PROSER1: variants seen among roughly 807,000 people sequenced by gnomAD.
PROSER1 encodes the protein proline and serine-rich protein 1.
In PROSER1, 36 loss-of-function variants were observed where a neutral mutation model predicts 71.8. The observed-to-expected ratio is 0.50, with a 90% CI of 0.38 to 0.66. PROSER1 has a LOEUF of 0.66. Ranked by LOEUF, PROSER1 falls within the 30% of genes least tolerant of loss-of-function variation. The probability of loss-of-function intolerance (pLI) is 0.00; values close to 1 mark genes in which losing one functional copy is unlikely to be tolerated. For synonymous variants in PROSER1, 490 were observed against 452.4 expected (o/e 1.08, Z -1.06); for missense variants, 1,107 against 1,135.0 (o/e 0.98, Z 0.35).
rs771968824 is a variant in PROSER1 at position 39,013,399 on chromosome 13, G to C, written c.1853C>G (p.Ala618Gly). Residue 618 changes from alanine (A) to glycine (G), a missense_variant, in exon 11 of 13, where the codon GCC becomes GGC. Transcript: ENST00000352251. ...CCCAGAATGAGATGGACCTTTGAAG[G>C]CCGAGGGAGTAGGACTTGTGGGCTC... The part of the protein sequence containing the change: ...KTEPTSPTPS[A>G]FKGPSHSGNP... 8.7e-6 allele frequency: 14 copies of C among 1,614,052 alleles called. No homozygotes were observed. Among genetic ancestry groups the C allele is most frequent in the South Asian group, 6.6e-5 (6 of 91,090 alleles).
At position 39,029,106 on chromosome 13, in the gene PROSER1, A is replaced by G. The variant is rs987977107; in HGVS notation, c.275+175T>C. 21 of 425,864 alleles carry G rather than the reference A, an allele frequency of 4.9e-5. No individual in the cohort carries two copies. In the East Asian group the frequency reaches 6.2e-4, roughly 12 times the overall value. 26.4% of individuals were successfully genotyped at this position (425,864 alleles called of 1,614,324 possible). A position where few individuals can be genotyped will look rare whatever the true frequency, so the allele number is the denominator to read the frequency against. On this transcript the variant is annotated intron_variant, in intron 4 of 12. Coordinates refer to ENST00000352251, the MANE Select transcript of PROSER1 (RefSeq NM_025138.5). ...TAAGCCCCTTCATTTTATAAGTTATAGTCATATATGTAATAAGTACACTAG... is the reference window on the plus strand; with the variant it reads ...TAAGCCCCTTCATTTTATAAGTTATGGTCATATATGTAATAAGTACACTAG...
Position 39,010,279 on chromosome 13 carries a change from T to C in PROSER1, c.*1086A>G, listed in dbSNP as rs2138090758. Reference sequence around the variant, plus strand: ...AGCAACATCTTCCGGACACCATCTTTATAAAAGTAAAACTTCTAGATCCTG... The same window carrying C: ...AGCAACATCTTCCGGACACCATCTTCATAAAAGTAAAACTTCTAGATCCTG... On this transcript the variant is annotated 3_prime_UTR_variant, in exon 13 of 13. Coordinates refer to ENST00000352251, the MANE Select transcript of PROSER1 (RefSeq NM_025138.5). The C allele has an allele frequency of 6.5e-6, 1 of 152,766 alleles. No homozygotes were observed. Among genetic ancestry groups the C allele is most frequent in the East Asian group, 1.9e-4 (1 of 5,190 alleles). 9.5% of individuals were successfully genotyped at this position (152,766 alleles called of 1,614,324 possible). A position where few individuals can be genotyped will look rare whatever the true frequency, so the allele number is the denominator to read the frequency against.
Position 39,014,281 on chromosome 13 carries a change from A to G in PROSER1, c.971T>C (p.Val324Ala). 1 of 1,614,042 alleles carries G rather than the reference A, an allele frequency of 6.2e-7. No individual in the cohort carries two copies. Among genetic ancestry groups the G allele is most frequent in the Non-Finnish European group, 8.5e-7 (1 of 1,180,018 alleles). ...PVFPGQVSSA[V>A]HTPQPSIPNP... ...TGGTATTGATGGCTGAGGTGTGTGAACGGCTGAGGAGACCTGCCCTGGGAA... is the reference window on the plus strand; with the variant it reads ...TGGTATTGATGGCTGAGGTGTGTGAGCGGCTGAGGAGACCTGCCCTGGGAA... The change falls in exon 11 of 13, where the codon GTT becomes GCT. Residue 324 changes from valine (V) to alanine (A), a missense_variant. Physicochemically the swap from Val to Ala is moderately conservative, Grantham distance 64. Coordinates refer to ENST00000352251, the MANE Select transcript of PROSER1 (RefSeq NM_025138.5).
chr13:39,031,321 A>G (rs74048407), intron 3 of PROSER1, among the ~76,000 whole-genome samples: 6 of 152,352 alleles, frequency 3.9e-5, no homozygotes, highest in South Asian at 2.1e-4. Context: ...TTCAAATCCT[A>G]TATTTTGCTT....
At position 39,009,873 on chromosome 13, in the gene PROSER1, A is replaced by G. The variant is rs184616231; in HGVS notation, c.*1492T>C. ...ATATAAAAAACACAATATAATCTTA[A>G]AAGAAGTTTTATGGGTATAGATTTA... On this transcript the variant is annotated 3_prime_UTR_variant, in exon 13 of 13. Coordinates refer to ENST00000352251, the MANE Select transcript of PROSER1 (RefSeq NM_025138.5). 6.5e-6 allele frequency: 1 copy of G among 152,758 alleles called. No individual in the cohort carries two copies. The highest frequency in any genetic ancestry group is 1.5e-5 in the Non-Finnish European group (1 of 68,022). The allele number at this position is 152,758 out of a possible 1,614,324, so 9.5% of individuals were successfully genotyped here. A position where few individuals can be genotyped will look rare whatever the true frequency, so the allele number is the denominator to read the frequency against.
chr13:39,035,928 A>T (rs1280556481), intron 1 of PROSER1, among the ~76,000 whole-genome samples: 6 of 152,204 alleles, frequency 3.9e-5, no homozygotes, highest in Non-Finnish European at 8.8e-5. Flanking sequence ...ATACAGACTT[A>T]AGTTGCCATC....
In PROSER1 at chr13:39,037,497, AT is replaced by A; in HGVS notation, c.-256del. ...CAGGCTTCCCCAGCTTATTCACACAATGGTTCAGGGCACCTCGGGCAAGAGC... is the reference window on the plus strand; with the variant it reads ...CAGGCTTCCCCAGCTTATTCACACAAGGTTCAGGGCACCTCGGGCAAGAGC... On this transcript the variant is annotated 5_prime_UTR_variant, in exon 1 of 13. Transcript: ENST00000352251. 2.2e-6 allele frequency: 1 copy of A among 453,052 alleles called. No individual in the cohort carries two copies. Among genetic ancestry groups the A allele is most frequent in the Non-Finnish European group, 4.0e-6 (1 of 252,880 alleles). 28.1% of individuals were successfully genotyped at this position (453,052 alleles called of 1,614,324 possible). A position where few individuals can be genotyped will look rare whatever the true frequency, so the allele number is the denominator to read the frequency against.
intron 1 of PROSER1, 44 bp downstream of exon 1, chr13:39,037,154 G>A (rs911205719): frequency 2.1e-6 from 3 of 1,409,502 alleles, no homozygotes; most frequent in African/African-American, 1.4e-5. Context: ...TCTAAAACAC[G>A]AGAATTCATC....
chr13:39,029,613 T>C (rs1045135573), intron 3 of PROSER1, among the ~76,000 whole-genome samples: 2 of 152,158 alleles, frequency 1.3e-5, no homozygotes, highest in Non-Finnish European at 2.9e-5. Flanking sequence ...CATGCTCCTT[T>C]TTTATCCATT....
At chr13:39,023,316 C>T in intron 7 of PROSER1, 186 bp from the exon 8 acceptor site, 1 of 527,104 alleles carries the variant, frequency 1.9e-6, no homozygotes, top group Non-Finnish European at 3.4e-6. Flanking sequence ...CTATTAAATT[C>T]CAAATGCAGA....
chr13:39,030,526 T>C (rs979491081), intron 3 of PROSER1, among the ~76,000 whole-genome samples: 2 of 152,096 alleles, frequency 1.3e-5, no homozygotes, highest in Admixed American at 6.5e-5. Flanking sequence ...CTCATCAATA[T>C]TCCCCCTGCC....
In PROSER1 at chr13:39,029,317, CTGAAAG is replaced by C. The variant is rs1566027941; in HGVS notation, c.233_238del (p.Thr78_Phe79del). 2 of 1,484,552 alleles carry C rather than the reference CTGAAAG, an allele frequency of 1.3e-6. No homozygotes were observed. The highest frequency in any genetic ancestry group is 1.8e-6 in the Non-Finnish European group (2 of 1,106,432). The allele number at this position is 1,484,552 out of a possible 1,614,324, so 92.0% of individuals were successfully genotyped here. On this transcript the variant is annotated inframe_deletion, in exon 4 of 13. Transcript: ENST00000352251. ...TTCAAGAGCAACTAGTTTGTCTTTA[CTGAAAG>C]TGAAACAGTTGAGTATATTGACCAC... is the stretch of plus-strand genomic sequence containing the variant.
chr13:39,034,395 C>A (rs1871000150), intron 1 of PROSER1, among the ~76,000 whole-genome samples, 199 bp from the exon 2 acceptor site: 1 of 152,144 alleles, frequency 6.6e-6, no homozygotes, highest in African/African-American at 2.4e-5. Flanking sequence ...GTGAGGGACA[C>A]ACTGAGCAAG....
At chr13:39,023,235 C>A in intron 7 of PROSER1, 105 bp from the exon 8 acceptor site, 1 of 803,848 alleles carries the variant, frequency 1.2e-6, no homozygotes, top group East Asian at 2.5e-5. Flanking sequence ...AAAATGTCCC[C>A]GCATATCATA....
At chr13:39,021,508 T>G (rs143112203) in intron 9 of PROSER1, among the ~76,000 whole-genome samples, 1 of 152,140 alleles carries the variant, frequency 6.6e-6, no homozygotes, top group African/African-American at 2.4e-5. Flanking sequence ...GAACCACCAG[T>G]AGGTCATTAA....
rs1304815518 is a variant in PROSER1 at position 39,010,001 on chromosome 13, C to T, written c.*1364G>A. On this transcript the variant is annotated 3_prime_UTR_variant, in exon 13 of 13. Coordinates refer to ENST00000352251, the MANE Select transcript of PROSER1 (RefSeq NM_025138.5). ...CTGTCTGTTCATATGTTGGTTATGA[C>T]TTTTACATTAAAATATCATTTAAAC... 1 of 152,512 alleles carries T rather than the reference C, an allele frequency of 6.6e-6. No individual in the cohort carries two copies. The highest frequency in any genetic ancestry group is 1.9e-4 in the East Asian group (1 of 5,188). 9.4% of individuals were successfully genotyped at this position (152,512 alleles called of 1,614,324 possible). A position where few individuals can be genotyped will look rare whatever the true frequency, so the allele number is the denominator to read the frequency against.
rs76005684 is a variant in PROSER1 at position 39,036,081 on chromosome 13, G to A, written c.45+1117C>T. ...AAGTAAAAATCTGCTGGTCTACTTG[G>A]ACTCACCAATTATTTTCTCATGAAA... On this transcript the variant is annotated intron_variant, in intron 1 of 12. Coordinates refer to ENST00000352251, the MANE Select transcript of PROSER1 (RefSeq NM_025138.5). Among the ~76,000 whole-genome samples, 477 of 152,162 alleles carry A rather than the reference G, an allele frequency of 3.1e-3. 3 individuals are homozygous for A. The highest frequency in any genetic ancestry group is 0.011 in the African/African-American group (452 of 41,516).
chr13:39,030,711 G>A (rs904826067), intron 3 of PROSER1, among the ~76,000 whole-genome samples: 3 of 151,976 alleles, frequency 2.0e-5, no homozygotes, highest in African/African-American at 7.3e-5. Flanking sequence ...TACAGGCTTG[G>A]CCACCACCCC....
At chr13:39,035,344 C>G (rs1477087107) in intron 1 of PROSER1, among the ~76,000 whole-genome samples, 1 of 152,164 alleles carries the variant, frequency 6.6e-6, no homozygotes, top group African/African-American at 2.4e-5. Flanking sequence ...GCTGTAACCC[C>G]AGGCAGGACA....
Sources: allele counts gnomAD v4.1 joint callset (sites outside exome capture counted in the v4.1 genomes callset), GRCh38; gene constraint gnomAD v4.1.1; transcripts MANE v1.5; gene names NCBI Gene and HGNC (gene_info 2026-07-23, HGNC 2026-07-21).